Variants in ARMC10 observed in about 807,000 individuals in gnomAD.
The protein encoded by ARMC10 is armadillo repeat-containing protein 10.
ARMC10 carries 23 observed loss-of-function variants against 30.2 expected under a neutral mutation model. The observed-to-expected ratio is 0.76, with a 90% confidence interval of 0.55 to 1.08. The LOEUF (loss-of-function observed/expected upper bound fraction) is 1.08, where lower values mean the gene tolerates loss of function less well. Ranked by LOEUF, ARMC10 falls within the 50% of genes least tolerant of loss-of-function variation. The probability of loss-of-function intolerance (pLI) is 0.00; values close to 1 mark genes in which losing one functional copy is unlikely to be tolerated. For synonymous variants in ARMC10, 111 were observed against 164.4 expected, an observed-to-expected ratio of 0.68 and a Z score of 2.48; for missense variants, 303 against 413.7, an observed-to-expected ratio of 0.73 and a Z score of 2.32.
At chr7:103,094,645 G>T (rs1429051750) in intron 5 of ARMC10, among the ~76,000 whole-genome samples, 1 of 152,096 alleles carries the variant, frequency 6.6e-6, no homozygotes, top group Non-Finnish European at 1.5e-5. Context: ...CATTGACATT[G>T]GAGCCAGGTG....
chr7:103,086,959 A>C, intron 4 of ARMC10, 195 bp downstream of exon 4: 1 of 1,419,094 alleles, frequency 7.0e-7, no homozygotes, highest in Non-Finnish European at 9.3e-7. Context: ...CTTTTGTTTC[A>C]GTAAAATAAT....
At chr7:103,090,369 A>G (rs1801203838) in intron 4 of ARMC10, among the ~76,000 whole-genome samples, 1 of 152,232 alleles carries the variant, frequency 6.6e-6, no homozygotes, top group South Asian at 2.1e-4. Context: ...TGACTTTCAA[A>G]TGTAAATTAG....
At chr7:103,076,512 T>C (rs1799849479) in intron 2 of ARMC10, among the ~76,000 whole-genome samples, 1 of 152,248 alleles carries the variant, frequency 6.6e-6, no homozygotes, top group South Asian at 2.1e-4. Flanking sequence ...TCTTGGGCTG[T>C]AAAACTGGCC....
At chr7:103,084,995 C>T (rs1192219487) in intron 3 of ARMC10, among the ~76,000 whole-genome samples, 1 of 152,136 alleles carries the variant, frequency 6.6e-6, no homozygotes, top group South Asian at 2.1e-4. Flanking sequence ...AACAACAATC[C>T]CAGCAGGGAC....
chr7:103,082,109 C>A (rs1800436879), intron 2 of ARMC10, among the ~76,000 whole-genome samples: 1 of 152,112 alleles, frequency 6.6e-6, no homozygotes, highest in African/African-American at 2.4e-5. Context: ...TTCAAGTATT[C>A]TTTGGGTGAA....
intron 5 of ARMC10, among the ~76,000 whole-genome samples, chr7:103,094,962 TAAAG>T (rs10615922): frequency 0.88 from 133,255 of 152,068 alleles, 61,079 homozygotes; most frequent in East Asian, 1. Context: ...TTTCTAAAAA[TAAAG>T]AAATATTTGA....
intron 2 of ARMC10, among the ~76,000 whole-genome samples, chr7:103,080,027 C>G (rs920789855): frequency 6.6e-6 from 1 of 152,106 alleles, no homozygotes; most frequent in African/African-American, 2.4e-5. Context: ...TCTAATTTCT[C>G]CTTGATTTAC....
At position 103,095,294 on chromosome 7, in the gene ARMC10, A is replaced by C. The variant is rs4729876; in HGVS notation, c.706-1983A>C. ...TTTTTGGTAGAGACGGGGTTTTGCC[A>C]TGTTGCCCATGTTGCTCTTGAACTC... On this transcript the variant is annotated intron_variant, in intron 5 of 6. Transcript: ENST00000323716. Among the ~76,000 whole-genome samples the C allele has an allele frequency of 2.6e-5, 4 of 152,184 alleles. No individual in the cohort carries two copies. The East Asian group carries it at 5.8e-4, about 22-fold the overall frequency.
rs534890616 is a variant in ARMC10 at position 103,089,397 on chromosome 7, C to T, written c.528+2633C>T. 7.7e-4 allele frequency: 129 copies of T among 167,400 alleles called. 2 individuals are homozygous for T. The highest frequency in any genetic ancestry group is 1.4e-3 in the Admixed American group (23 of 16,588). The allele number at this position is 167,400 out of a possible 1,614,324, so 10.4% of individuals were successfully genotyped here. A position where few individuals can be genotyped will look rare whatever the true frequency, so the allele number is the denominator to read the frequency against. On this transcript the variant is annotated intron_variant, in intron 4 of 6. Transcript: ENST00000323716. ...ATTCCCTCCAACAGCTTCCGTTACC[C>T]CAGTTACATCTGAGCATAGAATAAG...
intron 3 of ARMC10, 26 bp from the exon 4 acceptor site, chr7:103,086,604 C>CTTT (rs369209750): frequency 1.1e-5 from 16 of 1,471,438 alleles, no homozygotes; most frequent in South Asian, 6.4e-5. Context: ...CCCAGTCCTG[C>CTTT]TTTTTTTTTT....
intron 4 of ARMC10, among the ~76,000 whole-genome samples, chr7:103,091,828 C>A (rs1801362661): frequency 6.6e-6 from 1 of 152,142 alleles, no homozygotes; most frequent in Admixed American, 6.5e-5. Context: ...CTATTGCATC[C>A]CCACCTGCTG....
At chr7:103,080,064 TA>T (rs2129520402) in intron 2 of ARMC10, among the ~76,000 whole-genome samples, 1 of 152,324 alleles carries the variant, frequency 6.6e-6, no homozygotes, top group African/African-American at 2.4e-5. Context: ...CCACCGAGCC[TA>T]AGATTCTTTC....
chr7:103,092,492 G>C lies in ARMC10; in HGVS notation c.544G>C (p.Val182Leu), dbSNP rs776026112. Residue 182 changes from valine (V) to leucine (L), a missense_variant, in exon 5 of 7, where the codon GTA becomes CTA. Val to Leu is a conservative substitution (Grantham distance 32, BLOSUM62 1). This residue lies in a region of ARMC10 where 170 missense variants were observed against 207.2 expected (regional missense o/e 0.82). Transcript: ENST00000323716. ...CTGCCTTCAGATATACATCAGTCAA[G>C]TATGTGAGGATGTCTTCTCTGGTCC... ...QIKIKIYISQ[V>L]CEDVFSGPLN... The C allele has an allele frequency of 1.3e-6, 2 of 1,587,306 alleles. No homozygotes were observed. The highest frequency in any genetic ancestry group is 1.7e-6 in the Non-Finnish European group (2 of 1,158,818).
intron 2 of ARMC10, among the ~76,000 whole-genome samples, chr7:103,079,519 A>G (rs1800191228): frequency 6.6e-6 from 1 of 152,242 alleles, no homozygotes; most frequent in East Asian, 1.9e-4. Flanking sequence ...GGTGTCTGCT[A>G]TCACAGCTAC....
chr7:103,091,651 C>T (rs750760877), intron 4 of ARMC10, among the ~76,000 whole-genome samples: 3 of 150,938 alleles, frequency 2.0e-5, no homozygotes, highest in Non-Finnish European at 4.4e-5. Flanking sequence ...TCTCTAGACC[C>T]TACTGCTAAG....
At chr7:103,083,228 G>A (rs1037459362) in intron 2 of ARMC10, 3 of 441,032 alleles carry the variant, frequency 6.8e-6, no homozygotes, top group Non-Finnish European at 1.4e-5. Context: ...CTTCCCAGCT[G>A]TAATTTGAGA....
intron 2 of ARMC10, among the ~76,000 whole-genome samples, chr7:103,076,197 CAGAT>C (rs779249009): frequency 2.0e-5 from 3 of 152,110 alleles, no homozygotes; most frequent in African/African-American, 7.2e-5. Flanking sequence ...TGTAGCTGGA[CAGAT>C]AGAACCGATT....
At chr7:103,089,335 G>T in intron 4 of ARMC10, 1 of 175,968 alleles carries the variant, frequency 5.7e-6, no homozygotes. Flanking sequence ...AGATTGTGCC[G>T]GTAGTGAAAA....
At chr7:103,087,152 A>C (rs149304783) in intron 4 of ARMC10, among the ~76,000 whole-genome samples, 1 of 152,240 alleles carries the variant, frequency 6.6e-6, no homozygotes, top group African/African-American at 2.4e-5. Flanking sequence ...CCGATGCTAC[A>C]TATTCATAAA....
Sources: allele counts gnomAD v4.1 joint callset (sites outside exome capture counted in the v4.1 genomes callset), GRCh38; gene constraint gnomAD v4.1.1; regional missense constraint gnomAD v4.1.1; transcripts MANE v1.5; gene names NCBI Gene and HGNC (gene_info 2026-07-23, HGNC 2026-07-21).